DRC4: variants seen among roughly 807,000 people sequenced by gnomAD.
DRC4 encodes GAS-11.
chr16:90,039,358 GTTAT>G, the DRC4 span, among the ~76,000 whole-genome samples: 106,710 of 146,274 alleles, frequency 0.73, 39,104 homozygotes, highest in African/African-American at 0.77. Flanking sequence ...GACCAAGGCA[GTTAT>G]TTATTTATTT....
the DRC4 span, chr16:90,042,263 G>A: frequency 1.6e-6 from 1 of 617,106 alleles, no homozygotes; most frequent in Non-Finnish European, 3.0e-6. Context: ...GGCAGGTTGT[G>A]CAAGCTCCCA....
the DRC4 span, among the ~76,000 whole-genome samples, chr16:90,042,741 A>G: frequency 6.6e-6 from 1 of 152,264 alleles, no homozygotes; most frequent in South Asian, 2.1e-4. Context: ...TGTCTAGGCC[A>G]TGTCTCTGCT....
At chr16:90,020,168 A>C in the DRC4 span, 9 of 524,896 alleles carry the variant, frequency 1.7e-5, no homozygotes, top group Non-Finnish European at 2.7e-5. Context: ...TAAGTACTTC[A>C]ATATTTATCT....
At chr16:90,025,770 C>G in the DRC4 span, among the ~76,000 whole-genome samples, 1 of 151,136 alleles carries the variant, frequency 6.6e-6, no homozygotes, top group Non-Finnish European at 1.5e-5. Flanking sequence ...ACCTGTAGTC[C>G]CAGCTCCTCG....
At chr16:90,044,288 A>G in the DRC4 span, 1 of 434,516 alleles carries the variant, frequency 2.3e-6, no homozygotes, top group Non-Finnish European at 4.6e-6. Context: ...ACAAAGCCTG[A>G]CCCTGGGCAG....
At chr16:90,028,848 A>G in the DRC4 span, 1 of 907,518 alleles carries the variant, frequency 1.1e-6, no homozygotes, top group East Asian at 6.2e-5. Flanking sequence ...AAAAATCAAT[A>G]CGAAGGAGAC....
At chr16:90,044,486 C>T in the DRC4 span, 1 of 471,044 alleles carries the variant, frequency 2.1e-6, no homozygotes, top group Non-Finnish European at 4.4e-6. Flanking sequence ...CCCCTCCAGC[C>T]CACTGGGGCT....
At chr16:90,025,305 C>A in the DRC4 span, among the ~76,000 whole-genome samples, 1 of 151,206 alleles carries the variant, frequency 6.6e-6, no homozygotes, top group Non-Finnish European at 1.5e-5. Context: ...AGGTGTGAGC[C>A]ACTGTGCCTG....
the DRC4 span, chr16:90,042,181 C>G: frequency 2.0e-6 from 1 of 494,162 alleles, no homozygotes; most frequent in Non-Finnish European, 3.9e-6. Flanking sequence ...AGTGATCTGC[C>G]CTCCTTGGCC....
At chr16:90,037,224 G>A in the DRC4 span, 10 of 1,603,228 alleles carry the variant, frequency 6.2e-6, no homozygotes, top group Non-Finnish European at 8.5e-6. Context: ...CTGTGCTTGT[G>A]CCTGCAGGAG....
At chr16:90,044,921 G>A in the DRC4 span, 1 of 206,966 alleles carries the variant, frequency 4.8e-6, no homozygotes, top group Non-Finnish European at 9.9e-6. Context: ...CTATGCATAA[G>A]TATATTTGTT....
the DRC4 span, chr16:90,043,885 C>T: frequency 2.2e-6 from 1 of 457,300 alleles, no homozygotes; most frequent in Non-Finnish European, 4.6e-6. Context: ...CGGGAACGGG[C>T]AGGCAGCCTC....
the DRC4 span, among the ~76,000 whole-genome samples, chr16:90,021,526 CT>C: frequency 1.3e-5 from 2 of 151,670 alleles, no homozygotes; most frequent in African/African-American, 2.4e-5. Context: ...TCAAACGATT[CT>C]CCCACCTCAA....
At chr16:90,028,433 T>C in the DRC4 span, among the ~76,000 whole-genome samples, 2 of 151,130 alleles carry the variant, frequency 1.3e-5, no homozygotes, top group Admixed American at 6.6e-5. Context: ...CGTGATCCAC[T>C]CGCCTCGGCC....
At chr16:90,043,307 G>A in the DRC4 span, 9 of 1,612,220 alleles carry the variant, frequency 5.6e-6, no homozygotes, top group African/African-American at 5.4e-5. Context: ...ACAGACACTG[G>A]GCCAGGGCCC....
At chr16:90,044,608 A>C in the DRC4 span, 1 of 471,200 alleles carries the variant, frequency 2.1e-6, no homozygotes, top group South Asian at 1.5e-5. Context: ...GACAGTGACC[A>C]TCTGGGTCTG....
the DRC4 span, among the ~76,000 whole-genome samples, chr16:90,039,597 G>C: frequency 3.9e-5 from 6 of 151,932 alleles, no homozygotes; most frequent in Non-Finnish European, 7.4e-5. Flanking sequence ...CTGTTGGCCA[G>C]GCTGGTCTCG....
chr16:90,028,211 G>T, the DRC4 span, among the ~76,000 whole-genome samples: 1 of 87,104 alleles, frequency 1.1e-5, no homozygotes, highest in East Asian at 3.2e-4. Context: ...TTGAGACGGA[G>T]TCTCACTCTG....
the DRC4 span, among the ~76,000 whole-genome samples, chr16:90,038,561 C>T: frequency 6.6e-6 from 1 of 152,172 alleles, no homozygotes; most frequent in Non-Finnish European, 1.5e-5. Context: ...CTTAGGAAAG[C>T]CAGTTCCTAG....
Sources: allele counts gnomAD v4.1 joint callset (sites outside exome capture counted in the v4.1 genomes callset), GRCh38; gene constraint gnomAD v4.1.1; transcripts MANE v1.5; gene names NCBI Gene and HGNC (gene_info 2026-07-23, HGNC 2026-07-21).